Variants in FRAS1 observed in about 807,000 individuals in gnomAD.
FRAS1 encodes the protein extracellular matrix organizing protein FRAS1.
A neutral mutation model predicts 435.2 loss-of-function variants in FRAS1; 290 were observed. The ratio of observed to expected loss-of-function variants is 0.67; its 90% confidence interval spans 0.61 to 0.73. FRAS1 has a LOEUF of 0.73. Among genes scored for constraint, FRAS1 ranks in the 30% least tolerant of loss-of-function variants. FRAS1 has a pLI of 0.00. For synonymous variants in FRAS1, 1,800 were observed against 1,851.0 expected (o/e 0.97, Z 0.71); for missense variants, 4,860 against 5,001.5 (o/e 0.97, Z 0.85).
intron 2 of FRAS1, among the ~76,000 whole-genome samples, chr4:78,112,567 C>T (rs1016249489): frequency 5.9e-5 from 9 of 152,038 alleles, no homozygotes; most frequent in African/African-American, 2.2e-4. Flanking sequence ...CCAGAAATGG[C>T]TTGTGAAACA....
In FRAS1 at chr4:78,178,813, G is replaced by A. The variant is rs183152838; in HGVS notation, c.109-58697G>A. 1.2e-4 allele frequency among the ~76,000 whole-genome samples: 18 copies of A among 152,218 alleles called. No individual in the cohort carries two copies. The East Asian group carries it at 3.3e-3, about 28-fold the overall frequency. Reference sequence around the variant, plus strand: ...GGTTCCAGGTGCACATAAAATTTGGGGAGACACTATTAAACCCACTACAGG... The same window carrying A: ...GGTTCCAGGTGCACATAAAATTTGGAGAGACACTATTAAACCCACTACAGG... On this transcript the variant is annotated intron_variant, in intron 2 of 73. Coordinates refer to ENST00000512123, the MANE Select transcript of FRAS1 (RefSeq NM_025074.7).
At position 78,259,907 on chromosome 4, in the gene FRAS1, A is replaced by G. The variant is rs1332163462; in HGVS notation, c.603+4532A>G. On this transcript the variant is annotated intron_variant, in intron 6 of 73. Transcript: ENST00000512123. ...GTATAAGGTGTAAGGAAGGGATCCG[A>G]TTTCAGCTTTCTACCTATGGCTAGC... is the stretch of plus-strand genomic sequence containing the variant. Among the ~76,000 whole-genome samples the G allele has an allele frequency of 4.0e-3, 609 of 152,176 alleles. 2 individuals carry two copies. Among genetic ancestry groups the G allele is most frequent in the South Asian group, 6.4e-3 (31 of 4,808 alleles).
chr4:78,442,375 A>G (rs1039819269), intron 41 of FRAS1, among the ~76,000 whole-genome samples: 1 of 152,246 alleles, frequency 6.6e-6, no homozygotes, highest in Non-Finnish European at 1.5e-5. Flanking sequence ...GGAGCAAAGC[A>G]CTGAGAGAGT....
At chr4:78,140,750 C>T (rs528555053) in intron 2 of FRAS1, among the ~76,000 whole-genome samples, 4 of 147,294 alleles carry the variant, frequency 2.7e-5, no homozygotes, top group Admixed American at 6.8e-5. Flanking sequence ...TATGTATATA[C>T]GTGTGTGTAT....
chr4:78,252,531 C>T lies in FRAS1; in HGVS notation c.449C>T (p.Pro150Leu). 1.2e-6 allele frequency: 2 copies of T among 1,613,646 alleles called. No homozygotes were observed. Among genetic ancestry groups the T allele is most frequent in the Non-Finnish European group, 1.7e-6 (2 of 1,179,760 alleles). The change falls in exon 5 of 74, where the codon CCA (proline) becomes CTA (leucine). Residue 150 changes from proline (P) to leucine (L), a missense_variant. Transcript: ENST00000512123. ...TTCATCCCTGAAGGAAGCTGCTGCCCAGTTTGTGTGGGCCTTGGGAGTGAG... is the reference window on the plus strand; with the variant it reads ...TTCATCCCTGAAGGAAGCTGCTGCCTAGTTTGTGTGGGCCTTGGGAGTGAG... ...LAFIPEGSCC[P>L]VCVGLGKPCS...
intron 72 of FRAS1, among the ~76,000 whole-genome samples, chr4:78,538,731 G>A (rs969281728): frequency 3.3e-5 from 5 of 152,110 alleles, no homozygotes; most frequent in Admixed American, 3.3e-4. Flanking sequence ...GAGGTGGGCG[G>A]ATCACGAGGT....
chr4:78,080,545 G>T (rs533324914), intron 2 of FRAS1, among the ~76,000 whole-genome samples: 5 of 152,130 alleles, frequency 3.3e-5, no homozygotes, highest in Admixed American at 6.6e-5. Flanking sequence ...ATGGTTCAGA[G>T]TTTGTGCATG....
chr4:78,059,644 C>T (rs1488826740), intron 1 of FRAS1, among the ~76,000 whole-genome samples: 2 of 151,888 alleles, frequency 1.3e-5, no homozygotes, highest in Non-Finnish European at 2.9e-5. Flanking sequence ...AATTTAGAGT[C>T]CTATCCCAGC....
chr4:78,164,153 G>T (rs1262976540), intron 2 of FRAS1, among the ~76,000 whole-genome samples: 1 of 152,198 alleles, frequency 6.6e-6, no homozygotes, highest in Non-Finnish European at 1.5e-5. Context: ...AGATGTTGCA[G>T]AGCAAATAGC....
chr4:78,237,156 T>G (rs1261007279), intron 2 of FRAS1, among the ~76,000 whole-genome samples: 1 of 152,050 alleles, frequency 6.6e-6, no homozygotes, highest in Non-Finnish European at 1.5e-5. Context: ...TCATTTTCCT[T>G]TAAACGTGCT....
intron 2 of FRAS1, among the ~76,000 whole-genome samples, chr4:78,122,120 A>G (rs1265421262): frequency 6.6e-6 from 1 of 151,876 alleles, no homozygotes; most frequent in Non-Finnish European, 1.5e-5. Context: ...AATGTTATCT[A>G]TCCCCTAGCC....
intron 14 of FRAS1, among the ~76,000 whole-genome samples, chr4:78,294,859 A>T (rs1347979763): frequency 6.6e-6 from 1 of 152,224 alleles, no homozygotes; most frequent in Non-Finnish European, 1.5e-5. Context: ...ATTCCAAAAA[A>T]AAATAATTAA....
At position 78,537,205 on chromosome 4, in the gene FRAS1, G is replaced by T; in HGVS notation, c.11298+5G>T. On this transcript the variant is annotated splice_donor_5th_base_variant and intron_variant, in intron 72 of 73. Transcript: ENST00000512123. ...AAACACAGATTCCTGCTGTTGGTATGCTAAGTTCTCACTATTAGTGTTAAA... is the reference window on the plus strand; with the variant it reads ...AAACACAGATTCCTGCTGTTGGTATTCTAAGTTCTCACTATTAGTGTTAAA... 6.2e-7 allele frequency: 1 copy of T among 1,612,712 alleles called. No individual in the cohort carries two copies. Among genetic ancestry groups the T allele is most frequent in the Non-Finnish European group, 8.5e-7 (1 of 1,179,236 alleles).
Position 78,103,890 on chromosome 4 carries a change from T to C in FRAS1, c.108+37874T>C, listed in dbSNP as rs1045311836. Among the ~76,000 whole-genome samples the C allele has an allele frequency of 3.3e-5, 5 of 152,324 alleles. No individual in the cohort carries two copies. The East Asian group carries it at 9.6e-4, about 29-fold the overall frequency. The stretch of plus-strand genomic sequence containing the variant: ...GCGGCCTAAATGGACTACGACACAG[T>C]TCTTTATCTTAGCTTTGCAAATCAG... On this transcript the variant is annotated intron_variant, in intron 2 of 73. Transcript: ENST00000512123.
Position 78,387,432 on chromosome 4 carries a change from A to G in FRAS1, c.3706A>G (p.Ile1236Val), listed in dbSNP as rs1732259109. 1.2e-6 allele frequency: 2 copies of G among 1,613,818 alleles called. No homozygotes were observed. Among genetic ancestry groups the G allele is most frequent in the Non-Finnish European group, 1.7e-6 (2 of 1,179,796 alleles). The stretch of plus-strand genomic sequence containing the variant: ...CATTAGCAGAGGAGAGAGGGCAACC[A>G]TCACCACCCAGATGCTTGACATCCG... ...LHISRGERAT[I>V]TTQMLDIRDD... is the part of the protein sequence containing the mutation. Residue 1236 changes from isoleucine to valine, a missense_variant, in exon 29 of 74, where the codon ATC becomes GTC. By Grantham distance (29) the Ile-to-Val change is conservative (BLOSUM62 3). Coordinates refer to ENST00000512123, the MANE Select transcript of FRAS1 (RefSeq NM_025074.7).
In FRAS1 at chr4:78,361,825, G is replaced by T. The variant is rs140358552; in HGVS notation, c.2423-1688G>T. Among the ~76,000 whole-genome samples, 460 of 152,286 alleles carry T rather than the reference G, an allele frequency of 3.0e-3. 1 individual carries two copies. The highest frequency in any genetic ancestry group is 6.9e-3 in the Admixed American group (105 of 15,300). On this transcript the variant is annotated intron_variant, in intron 20 of 73. Transcript: ENST00000512123. ...AACAAATGCTTTGAATCCTACAGGGGAAGGTGGGAAGGCCCCGTAACCAGA... is the reference window on the plus strand; with the variant it reads ...AACAAATGCTTTGAATCCTACAGGGTAAGGTGGGAAGGCCCCGTAACCAGA...
At chr4:78,309,439 A>G (rs141377857) in intron 15 of FRAS1, among the ~76,000 whole-genome samples, 2 of 152,224 alleles carry the variant, frequency 1.3e-5, no homozygotes, top group Non-Finnish European at 2.9e-5. Context: ...TAAGCATTCT[A>G]TCAGTGTTTG....
chr4:78,433,598 C>T (rs1280336633), intron 38 of FRAS1, among the ~76,000 whole-genome samples: 1 of 152,172 alleles, frequency 6.6e-6, no homozygotes, highest in Non-Finnish European at 1.5e-5. Flanking sequence ...TCAAATGGTC[C>T]TTTCTTCAGT....
intron 18 of FRAS1, chr4:78,319,514 A>G: frequency 2.3e-6 from 1 of 432,020 alleles, no homozygotes; most frequent in Middle Eastern, 3.4e-4. Context: ...GAAGTATTAT[A>G]GTTTCCTTTC....
Sources: allele counts gnomAD v4.1 joint callset (sites outside exome capture counted in the v4.1 genomes callset), GRCh38; gene constraint gnomAD v4.1.1; transcripts MANE v1.5; gene names NCBI Gene and HGNC (gene_info 2026-07-23, HGNC 2026-07-21).